USP14: variants seen among roughly 807,000 people sequenced by gnomAD.
USP14 encodes the protein ubiquitin carboxyl-terminal hydrolase 14.
Under a neutral mutation model 76.5 loss-of-function variants are expected in USP14, and 38 were observed. That is an observed-to-expected ratio of 0.50 (90% CI 0.38 to 0.65). USP14 has a LOEUF of 0.65. USP14 is among the 30% of genes least tolerant of loss of function. The pLI is 0.00. For missense variants in USP14, 467 were observed against 586.5 expected, an observed-to-expected ratio of 0.80 and a Z score of 2.10; for synonymous variants, 192 against 191.7, an observed-to-expected ratio of 1.00 and a Z score of -0.01.
chr18:204,453 T>A, intron 12 of USP14, 111 bp from the exon 13 acceptor site: 2 of 1,021,982 alleles, frequency 2.0e-6, no homozygotes, highest in Non-Finnish European at 2.7e-6. Flanking sequence ...TTTCACAGAT[T>A]TTATTTTCAA....
At chr18:200,264 C>T (rs1222837530) in intron 10 of USP14, among the ~76,000 whole-genome samples, 1 of 152,092 alleles carries the variant, frequency 6.6e-6, no homozygotes, top group African/African-American at 2.4e-5. Context: ...TGTTTTCTTA[C>T]GTGAAAATGA....
chr18:171,037 T>A (rs1328203701), intron 3 of USP14, among the ~76,000 whole-genome samples: 100 of 131,528 alleles, frequency 7.6e-4, no homozygotes, highest in African/African-American at 2.7e-3. Context: ...TATATATATA[T>A]ATATATATAT....
Position 214,331 on chromosome 18 carries a change from AAG to A in USP14, c.*3049_*3050del, listed in dbSNP as rs1910782678. 1 of 248,560 alleles carries A rather than the reference AAG, an allele frequency of 4.0e-6. No individual in the cohort carries two copies. Among genetic ancestry groups the A allele is most frequent in the Admixed American group, 5.0e-5 (1 of 19,978 alleles). The allele number at this position is 248,560 out of a possible 1,614,324, so 15.4% of individuals were successfully genotyped here. On this transcript the variant is annotated 3_prime_UTR_variant, in exon 16 of 16. Coordinates refer to ENST00000261601, the MANE Select transcript of USP14 (RefSeq NM_005151.4). ...AACACACAGGAAACTAATTTGGTAT[AAG>A]AAACGACATATCCCTAAATAGTGCT...
intron 4 of USP14, 64 bp downstream of exon 4, chr18:179,101 T>G (rs1909709535): frequency 8.8e-7 from 1 of 1,132,210 alleles, no homozygotes. Flanking sequence ...TTAAGGTGTC[T>G]TTCAGAAAGT....
intron 5 of USP14, among the ~76,000 whole-genome samples, chr18:187,630 C>G (rs1909966020): frequency 6.6e-6 from 1 of 151,982 alleles, no homozygotes; most frequent in Non-Finnish European, 1.5e-5. Flanking sequence ...TGTTTTATTT[C>G]CAACTGTTTT....
intron 7 of USP14, among the ~76,000 whole-genome samples, chr18:197,398 G>A (rs1910266641): frequency 6.6e-6 from 1 of 152,134 alleles, no homozygotes; most frequent in South Asian, 2.1e-4. Context: ...TGAGTATCTA[G>A]TACAGTGTTT....
chr18:159,893 AG>A (rs1173011611), intron 1 of USP14, among the ~76,000 whole-genome samples: 2 of 152,224 alleles, frequency 1.3e-5, no homozygotes, highest in Non-Finnish European at 2.9e-5. Flanking sequence ...TAGATTTCTA[AG>A]GTCCCTTCCT....
chr18:202,998 A>G, intron 11 of USP14, 53 bp downstream of exon 11: 1 of 1,606,140 alleles, frequency 6.2e-7, no homozygotes, highest in Non-Finnish European at 8.5e-7. Flanking sequence ...AAATATTTCC[A>G]GTTAATTAAT....
intron 3 of USP14, among the ~76,000 whole-genome samples, chr18:171,133 ACAGTAAGTGCTGATGGAGAAGCTG>A (rs1909451430): frequency 6.6e-6 from 1 of 150,794 alleles, no homozygotes; most frequent in African/African-American, 2.4e-5. Context: ...GCAAGGTGAA[ACAGTAAGTGCTGATGGAGAAGCTG>A]CAGTAAGTTA....
At chr18:194,404 AC>A (rs1466709388) in intron 6 of USP14, among the ~76,000 whole-genome samples, 1 of 152,132 alleles carries the variant, frequency 6.6e-6, no homozygotes, top group Non-Finnish European at 1.5e-5. Context: ...ACTGTTCTTT[AC>A]ATTTTTGCTT....
At chr18:168,331 G>T (rs948241790) in intron 3 of USP14, among the ~76,000 whole-genome samples, 3 of 152,100 alleles carry the variant, frequency 2.0e-5, no homozygotes, top group African/African-American at 7.2e-5. Context: ...GGTTTTCTGT[G>T]TACATAAACG....
chr18:203,286 G>A (rs1180986309), intron 12 of USP14, 96 bp downstream of exon 12: 7 of 1,152,020 alleles, frequency 6.1e-6, no homozygotes, highest in Non-Finnish European at 8.7e-6. Context: ...GAATAGTTAA[G>A]CTTTCTTTGA....
intron 3 of USP14, among the ~76,000 whole-genome samples, chr18:173,126 T>C (rs1909512778): frequency 6.6e-6 from 1 of 152,004 alleles, no homozygotes; most frequent in South Asian, 2.1e-4. Context: ...TTTTTTTCTT[T>C]GAGACGGAGT....
chr18:201,772 AAC>A (rs1182433652), intron 10 of USP14, among the ~76,000 whole-genome samples: 1 of 152,226 alleles, frequency 6.6e-6, no homozygotes, highest in Non-Finnish European at 1.5e-5. Flanking sequence ...AGGAAAACCG[AAC>A]ATACCCAGAA....
intron 5 of USP14, among the ~76,000 whole-genome samples, chr18:186,581 C>T (rs1909936407): frequency 6.6e-6 from 1 of 152,002 alleles, no homozygotes. Context: ...GGTGAAACCC[C>T]GTCTCTATTA....
At chr18:162,275 T>A (rs1253898073) in intron 1 of USP14, among the ~76,000 whole-genome samples, 1 of 152,222 alleles carries the variant, frequency 6.6e-6, no homozygotes, top group African/African-American at 2.4e-5. Context: ...AATTGCTGGA[T>A]CATATGGTAA....
intron 6 of USP14, among the ~76,000 whole-genome samples, chr18:195,864 G>A (rs1910216102): frequency 6.6e-6 from 1 of 152,144 alleles, no homozygotes; most frequent in Non-Finnish European, 1.5e-5. Flanking sequence ...ACCCTGCTTT[G>A]TTTGGGAAGA....
intron 5 of USP14, among the ~76,000 whole-genome samples, chr18:184,928 G>A (rs144901470): frequency 2.0e-5 from 3 of 152,144 alleles, no homozygotes; most frequent in East Asian, 1.9e-4. Context: ...GCTTAATGCC[G>A]CCCAACAGTG....
chr18:192,079 T>G (rs1472996821), intron 5 of USP14, among the ~76,000 whole-genome samples: 1 of 152,228 alleles, frequency 6.6e-6, no homozygotes, highest in Non-Finnish European at 1.5e-5. Flanking sequence ...AGTTTACAGA[T>G]GAGCAAACTG....
Sources: gnomAD v4.1 joint callset for allele counts (sites outside exome capture counted in the v4.1 genomes callset) on GRCh38, gnomAD v4.1.1 for gene constraint, MANE v1.5 for transcripts, NCBI Gene and HGNC (gene_info 2026-07-23, HGNC 2026-07-21) for gene names.